The following GRAMD1B variants were observed in gnomAD, a reference collection of about 807,000 sequenced individuals.
GRAMD1B encodes GRAM domain containing 1B.
A neutral mutation model predicts 99.7 loss-of-function variants in GRAMD1B; 37 were observed. That is an observed-to-expected ratio of 0.37 (90% CI 0.29 to 0.49). The LOEUF (loss-of-function observed/expected upper bound fraction) is 0.49. GRAMD1B is among the 20% of genes least tolerant of loss of function. The pLI is 0.98. For synonymous variants in GRAMD1B, 427 were observed against 387.6 expected (o/e 1.10, Z -1.19); for missense variants, 888 against 1,009.2 (o/e 0.88, Z 1.63).
chr11:123,388,399 G>A (rs1470477680), intron 1 of GRAMD1B, among the ~76,000 whole-genome samples: 1 of 151,858 alleles, frequency 6.6e-6, no homozygotes, highest in Admixed American at 6.6e-5. Context: ...GGAGCTGGGT[G>A]CGGTGGCTCA....
At chr11:123,620,470 C>G (rs12362612) in intron 19 of GRAMD1B, among the ~76,000 whole-genome samples, 1 of 28,890 alleles carries the variant, frequency 3.5e-5, no homozygotes, top group South Asian at 1.9e-3. Context: ...GAGACTTCAT[C>G]TCAAAAAAAA....
intron 1 of GRAMD1B, among the ~76,000 whole-genome samples, chr11:123,408,527 A>G (rs1263607488): frequency 2.0e-5 from 3 of 152,270 alleles, no homozygotes; most frequent in Admixed American, 2.0e-4. Flanking sequence ...GTTGATGTGT[A>G]AATGGATGGC....
At chr11:123,495,715 T>G (rs1939176212) in intron 2 of GRAMD1B, among the ~76,000 whole-genome samples, 1 of 151,920 alleles carries the variant, frequency 6.6e-6, no homozygotes, top group South Asian at 2.1e-4. Context: ...TTTTTATTTT[T>G]TGTGCATCGG....
intron 1 of GRAMD1B, among the ~76,000 whole-genome samples, chr11:123,479,757 G>A (rs879176003): frequency 2.0e-5 from 3 of 152,158 alleles, no homozygotes; most frequent in Admixed American, 2.0e-4. Flanking sequence ...CATGGTAGCA[G>A]GAAAATAGCC....
At chr11:123,451,691 G>A (rs1457747531) in intron 1 of GRAMD1B, among the ~76,000 whole-genome samples, 1 of 152,156 alleles carries the variant, frequency 6.6e-6, no homozygotes, top group East Asian at 1.9e-4. Flanking sequence ...ACACAGTCAG[G>A]CTGCCAGAGA....
chr11:123,402,803 T>C (rs1288772269), intron 1 of GRAMD1B, among the ~76,000 whole-genome samples: 1 of 152,020 alleles, frequency 6.6e-6, no homozygotes, highest in East Asian at 1.9e-4. Context: ...TCTCTCTCTT[T>C]TATTATTATT....
intron 1 of GRAMD1B, among the ~76,000 whole-genome samples, chr11:123,396,676 A>G (rs1219026288): frequency 6.6e-6 from 1 of 152,180 alleles, no homozygotes; most frequent in Middle Eastern, 3.2e-3. Context: ...TCCAGAGAGA[A>G]CTGCCTATTC....
chr11:123,485,068 C>T (rs1448892012), intron 2 of GRAMD1B, among the ~76,000 whole-genome samples: 5 of 152,144 alleles, frequency 3.3e-5, no homozygotes, highest in Admixed American at 6.5e-5. Flanking sequence ...CTTTACTCTT[C>T]GTAATGCCCC....
At position 123,613,132 on chromosome 11, in the gene GRAMD1B, C is replaced by G. The variant is rs559170043; in HGVS notation, c.2023+268C>G. On this transcript the variant is annotated intron_variant, in intron 15 of 19. Transcript: ENST00000635736. ...CCTCACCCCAAAAGGAACCACAGACCTAGTGATATAGGTGGCTCTGTGACG... is the reference window on the plus strand; with the variant it reads ...CCTCACCCCAAAAGGAACCACAGACGTAGTGATATAGGTGGCTCTGTGACG... The G allele has an allele frequency of 2.0e-5, 11 of 557,132 alleles. No homozygotes were observed. The East Asian group carries it at 3.3e-4, about 16-fold the overall frequency. The allele number at this position is 557,132 out of a possible 1,614,324, so 34.5% of individuals were successfully genotyped here.
chr11:123,375,405 A>G (rs185637192), intron 1 of GRAMD1B, among the ~76,000 whole-genome samples: 1 of 152,210 alleles, frequency 6.6e-6, no homozygotes, highest in African/African-American at 2.4e-5. Flanking sequence ...TTAAATAAAA[A>G]AAAAAGAGAG....
intron 2 of GRAMD1B, among the ~76,000 whole-genome samples, chr11:123,518,834 G>T (rs1358533512): frequency 6.6e-6 from 1 of 152,218 alleles, no homozygotes; most frequent in African/African-American, 2.4e-5. Flanking sequence ...ACGAAGCTGA[G>T]TGGAATTTGG....
intron 4 of GRAMD1B, among the ~76,000 whole-genome samples, chr11:123,590,146 GT>G (rs1246827275): frequency 6.6e-6 from 1 of 152,124 alleles, no homozygotes; most frequent in Non-Finnish European, 1.5e-5. Context: ...TTTGGGCTTG[GT>G]CCCCCTCTTG....
chr11:123,474,790 G>A (rs1156577162), intron 1 of GRAMD1B, among the ~76,000 whole-genome samples: 1 of 152,138 alleles, frequency 6.6e-6, no homozygotes, highest in Non-Finnish European at 1.5e-5. Context: ...TAATTAGCAT[G>A]AGATAATTGA....
chr11:123,580,918 A>G (rs1186559198), intron 3 of GRAMD1B, among the ~76,000 whole-genome samples: 1 of 147,222 alleles, frequency 6.8e-6, no homozygotes, highest in African/African-American at 2.6e-5. Flanking sequence ...TTTTTTTTCA[A>G]ATCTAATTTT....
At chr11:123,432,377 C>T (rs191835900) in intron 1 of GRAMD1B, among the ~76,000 whole-genome samples, 4 of 151,964 alleles carry the variant, frequency 2.6e-5, no homozygotes, top group Non-Finnish European at 2.9e-5. Flanking sequence ...GCCAACATGG[C>T]GAAACTCCAT....
In GRAMD1B at chr11:123,613,615, G is replaced by A. The variant is rs1351653711; in HGVS notation, c.2184G>A (p.Thr728=). 10 of 1,613,730 alleles carry A rather than the reference G, an allele frequency of 6.2e-6. No homozygotes were observed. Among genetic ancestry groups the A allele is most frequent in the South Asian group, 4.4e-5 (4 of 91,036 alleles). ...HLEEVMSPVT[T]PTDEDVGHRI... ...AAGAGGTGATGAGCCCGGTCACCAC[G>A]CCCACAGATGAGGATGTGGGCCACA... Residue 728 remains threonine, a synonymous_variant, in exon 16 of 20, where the codon ACG becomes ACA. Transcript: ENST00000635736.
At position 123,603,521 on chromosome 11, in the gene GRAMD1B, C is replaced by T. The variant is rs771458771; in HGVS notation, c.1146C>T (p.Asp382=). 3.2e-5 allele frequency: 52 copies of T among 1,611,278 alleles called. No homozygotes were observed. The highest frequency in any genetic ancestry group is 9.9e-5 in the South Asian group (9 of 91,030). The change falls in exon 9 of 20, where the codon GAC becomes GAT. Residue 382 remains aspartate (D), a synonymous_variant. Transcript: ENST00000635736. ...TSDDEDYVPP[D]DDFNTMGYCE... ...ATGACGAGGACTACGTGCCCCCTGA[C>T]GACGACTTCAACACAATGGGGTGAG...
intron 1 of GRAMD1B, among the ~76,000 whole-genome samples, chr11:123,444,489 T>C (rs961417895): frequency 1.3e-5 from 2 of 152,124 alleles, no homozygotes; most frequent in African/African-American, 4.8e-5. Flanking sequence ...AAAAAAATTC[T>C]GTTTTCATGT....
rs1156906008 is a variant in GRAMD1B at position 123,626,569 on chromosome 11, A to T, written c.*3974A>T. 1 of 152,126 alleles carries T rather than the reference A, an allele frequency of 6.6e-6. No homozygotes were observed. Among genetic ancestry groups the T allele is most frequent in the African/African-American group, 2.4e-5 (1 of 41,394 alleles). The allele number at this position is 152,126 out of a possible 1,614,324, so 9.4% of individuals were successfully genotyped here. ...TTTTCTCCTACTGCCCCCAGGAGAAATAGCACTCTTCTCCCTTCCCCCAGA... is the reference window on the plus strand; with the variant it reads ...TTTTCTCCTACTGCCCCCAGGAGAATTAGCACTCTTCTCCCTTCCCCCAGA... On this transcript the variant is annotated 3_prime_UTR_variant, in exon 20 of 20. Transcript: ENST00000635736.
Sources: allele counts gnomAD v4.1 joint callset (sites outside exome capture counted in the v4.1 genomes callset), GRCh38; gene constraint gnomAD v4.1.1; transcripts MANE v1.5; gene names NCBI Gene and HGNC (gene_info 2026-07-23, HGNC 2026-07-21).